CDC42BPA: variants seen among roughly 807,000 people sequenced by gnomAD.
CDC42BPA encodes the protein serine/threonine-protein kinase MRCK alpha.
CDC42BPA carries 80 observed loss-of-function variants against 223.5 expected under a neutral mutation model. The ratio of observed to expected loss-of-function variants is 0.36; its 90% CI spans 0.30 to 0.43. The LOEUF is 0.43. Ranked by LOEUF, CDC42BPA falls within the 20% of genes least tolerant of loss-of-function variation. The pLI, the probability that CDC42BPA is intolerant of heterozygous loss-of-function variation, is 1.00. For missense variants in CDC42BPA, 1,743 were observed against 2,099.9 expected, an observed-to-expected ratio of 0.83 and a Z score of 3.32; for synonymous variants, 694 against 718.6, an observed-to-expected ratio of 0.97 and a Z score of 0.55.
intron 2 of CDC42BPA, among the ~76,000 whole-genome samples, chr1:227,243,815 GA>G (rs1680428187): frequency 6.6e-6 from 1 of 151,024 alleles, no homozygotes; most frequent in Non-Finnish European, 1.5e-5. Flanking sequence ...TCCAACAACA[GA>G]TTTGAATCTA....
At chr1:227,023,074 G>T (rs1015210508) in intron 32 of CDC42BPA, among the ~76,000 whole-genome samples, 189 bp downstream of exon 32, 1 of 152,130 alleles carries the variant, frequency 6.6e-6, no homozygotes, top group Admixed American at 6.5e-5. Flanking sequence ...TAAACAGAAC[G>T]ACTTTTTGCC....
chr1:227,072,496 T>G (rs1200745790), intron 19 of CDC42BPA, among the ~76,000 whole-genome samples, 197 bp from the exon 20 acceptor site: 2 of 151,924 alleles, frequency 1.3e-5, no homozygotes, highest in Admixed American at 6.6e-5. Flanking sequence ...ACACAGCCAA[T>G]CTCATTCATT....
chr1:227,131,788 TTAAG>T (rs1386940237), intron 10 of CDC42BPA, among the ~76,000 whole-genome samples: 2 of 152,220 alleles, frequency 1.3e-5, no homozygotes, highest in Non-Finnish European at 2.9e-5. Flanking sequence ...TACTTCTGAC[TTAAG>T]TGAGAAAATA....
chr1:227,316,084 A>C (rs149550114), intron 1 of CDC42BPA, among the ~76,000 whole-genome samples: 7 of 152,332 alleles, frequency 4.6e-5, no homozygotes, highest in African/African-American at 1.7e-4. Context: ...TTAGTATTCC[A>C]AAGGTACAAA....
chr1:227,196,470 C>G (rs1311325426), intron 4 of CDC42BPA, among the ~76,000 whole-genome samples: 8 of 151,160 alleles, frequency 5.3e-5, no homozygotes, highest in Admixed American at 4.0e-4. Context: ...CTCCCCAGTA[C>G]CTGGGACTAC....
At chr1:227,116,238 A>G (rs987751755) in intron 12 of CDC42BPA, among the ~76,000 whole-genome samples, 10 of 152,240 alleles carry the variant, frequency 6.6e-5, no homozygotes, top group African/African-American at 2.4e-4. Flanking sequence ...ACCCAGAAAT[A>G]TAACAGTGGC....
chr1:227,162,866 A>ATGTGTGTGTGTGTGTGTGTGTGTGTGTG (rs71574598), intron 5 of CDC42BPA, among the ~76,000 whole-genome samples: 4 of 127,186 alleles, frequency 3.1e-5, no homozygotes, highest in African/African-American at 1.1e-4. Flanking sequence ...AAATAAATAT[A>ATGTGTGTGTGTGTGTGTGTGTGTGTGTG]TATGTGTGTG....
rs1248681111 is a variant in CDC42BPA at position 227,008,915 on chromosome 1, T to C, written c.4858-3804A>G. Among the ~76,000 whole-genome samples the C allele has an allele frequency of 2.0e-5, 3 of 152,268 alleles. No individual in the cohort carries two copies. The South Asian group carries it at 6.2e-4, about 32-fold the overall frequency. On this transcript the variant is annotated intron_variant, in intron 34 of 36. Coordinates refer to ENST00000366766, the MANE Select transcript of CDC42BPA (RefSeq NM_001394014.1). ...AAAAAATTAAAATGGAAATAGTCAA[T>C]GCTAGCAATTCAACAGACACATATA... is the stretch of plus-strand genomic sequence containing the variant.
At chr1:227,123,856 A>AGT (rs1293297892) in intron 11 of CDC42BPA, among the ~76,000 whole-genome samples, 11 of 151,796 alleles carry the variant, frequency 7.2e-5, no homozygotes, top group Admixed American at 1.3e-4. Flanking sequence ...AGAGAGAGAG[A>AGT]GTGTGTGTGT....
intron 1 of CDC42BPA, among the ~76,000 whole-genome samples, chr1:227,298,594 T>C (rs1302051719): frequency 1.3e-5 from 2 of 152,174 alleles, no homozygotes; most frequent in Admixed American, 6.5e-5. Flanking sequence ...CAACTGTTAA[T>C]ATAGATTCAT....
intron 5 of CDC42BPA, among the ~76,000 whole-genome samples, chr1:227,165,144 A>C (rs1436547501): frequency 6.6e-6 from 1 of 152,212 alleles, no homozygotes; most frequent in Non-Finnish European, 1.5e-5. Flanking sequence ...ATCACCCCAA[A>C]AATATTTATG....
chr1:227,246,980 T>C (rs2670441), intron 2 of CDC42BPA, among the ~76,000 whole-genome samples: 43,699 of 151,672 alleles, frequency 0.29, 6,503 homozygotes, highest in East Asian at 0.37. Flanking sequence ...GTGGGTGGAT[T>C]ACTTGAGGTC....
intron 32 of CDC42BPA, among the ~76,000 whole-genome samples, chr1:227,021,890 C>T (rs11583229): frequency 0.18 from 27,862 of 151,504 alleles, 2,809 homozygotes; most frequent in Non-Finnish European, 0.22. Flanking sequence ...CATGGTGGTG[C>T]GTGCCTGTAA....
At chr1:227,012,119 A>T (rs1028680388) in intron 34 of CDC42BPA, among the ~76,000 whole-genome samples, 2 of 152,222 alleles carry the variant, frequency 1.3e-5, no homozygotes, top group African/African-American at 4.8e-5. Flanking sequence ...TGACTTTAAG[A>T]AGCAAAATTA....
At chr1:227,252,158 A>G (rs1682125032) in intron 2 of CDC42BPA, among the ~76,000 whole-genome samples, 3 of 152,084 alleles carry the variant, frequency 2.0e-5, no homozygotes, top group Admixed American at 6.5e-5. Context: ...AAAATATTAT[A>G]AAGTGCAGAA....
intron 16 of CDC42BPA, among the ~76,000 whole-genome samples, chr1:227,091,682 A>G (rs545135881): frequency 9.2e-5 from 14 of 152,232 alleles, no homozygotes; most frequent in Non-Finnish European, 2.1e-4. Flanking sequence ...CAAAGAATAA[A>G]AGGAGATAAG....
intron 4 of CDC42BPA, among the ~76,000 whole-genome samples, chr1:227,199,015 T>C (rs890859336): frequency 1.6e-4 from 24 of 152,358 alleles, no homozygotes; most frequent in Non-Finnish European, 3.2e-4. Context: ...CCCAAAGTGC[T>C]GGGATTACAG....
At chr1:227,264,737 T>C in intron 1 of CDC42BPA, 1 of 776,370 alleles carries the variant, frequency 1.3e-6, no homozygotes. Context: ...ATTATGTACA[T>C]ATTCTTAATC....
chr1:227,245,870 G>A (rs1381198467), intron 2 of CDC42BPA, among the ~76,000 whole-genome samples: 1 of 152,226 alleles, frequency 6.6e-6, no homozygotes, highest in African/African-American at 2.4e-5. Context: ...TTGCTTCAAA[G>A]GAGACCCAGC....
Sources: gnomAD v4.1 joint callset for allele counts (sites outside exome capture counted in the v4.1 genomes callset) on GRCh38, gnomAD v4.1.1 for gene constraint, MANE v1.5 for transcripts, NCBI Gene and HGNC (gene_info 2026-07-23, HGNC 2026-07-21) for gene names.